GABRB2: variants seen among roughly 807,000 people sequenced by gnomAD.
GABRB2 encodes the protein gamma-aminobutyric acid receptor subunit beta-2.
In GABRB2, 16 loss-of-function variants were observed where a neutral mutation model predicts 54.7. The ratio of observed to expected loss-of-function variants is 0.29; its 90% CI spans 0.20 to 0.44. The LOEUF (loss-of-function observed/expected upper bound fraction) is 0.44, where lower values mean the gene tolerates loss of function less well. GABRB2 is among the 20% of genes least tolerant of loss of function. The pLI is 1.00. For missense variants in GABRB2, 355 were observed against 644.0 expected (o/e 0.55, Z 4.86); for synonymous variants, 244 against 233.8 (o/e 1.04, Z -0.40).
chr5:161,346,524 C>T (rs1754323149), intron 5 of GABRB2, among the ~76,000 whole-genome samples: 2 of 152,188 alleles, frequency 1.3e-5, no homozygotes, highest in South Asian at 4.1e-4. Context: ...AAGTAAAGTC[C>T]CAGCTGAATG....
intron 5 of GABRB2, among the ~76,000 whole-genome samples, chr5:161,366,573 A>C (rs1754978606): frequency 6.6e-6 from 1 of 152,180 alleles, no homozygotes; most frequent in African/African-American, 2.4e-5. Flanking sequence ...TACTTTTAGC[A>C]CAAGGTAAGT....
chr5:161,447,113 A>AT (rs1394795539), intron 4 of GABRB2, among the ~76,000 whole-genome samples: 5 of 152,126 alleles, frequency 3.3e-5, no homozygotes, highest in East Asian at 1.9e-4. Flanking sequence ...CTTTACAAGC[A>AT]TTTTTTTGTA....
intron 3 of GABRB2, among the ~76,000 whole-genome samples, chr5:161,462,511 C>T (rs1209197178): frequency 6.6e-6 from 1 of 152,124 alleles, no homozygotes; most frequent in East Asian, 1.9e-4. Context: ...GAGGAGAAAG[C>T]TACTTACACT....
intron 3 of GABRB2, among the ~76,000 whole-genome samples, chr5:161,508,426 G>T (rs1008423948): frequency 1.3e-5 from 2 of 150,870 alleles, no homozygotes; most frequent in African/African-American, 4.9e-5. Flanking sequence ...AGGCTTGAGA[G>T]GTGGATAATG....
chr5:161,299,849 A>C (rs192520833), intron 9 of GABRB2, among the ~76,000 whole-genome samples: 1 of 152,312 alleles, frequency 6.6e-6, no homozygotes, highest in Non-Finnish European at 1.5e-5. Flanking sequence ...GGCAGGATGG[A>C]AATTAGAGGC....
chr5:161,342,398 T>A (rs1401235994), intron 5 of GABRB2, among the ~76,000 whole-genome samples: 1 of 152,054 alleles, frequency 6.6e-6, no homozygotes, highest in Non-Finnish European at 1.5e-5. Context: ...AAAACTTGAT[T>A]TCTGTTCTGA....
chr5:161,508,123 C>T (rs1297429685), intron 3 of GABRB2, among the ~76,000 whole-genome samples: 1 of 151,610 alleles, frequency 6.6e-6, no homozygotes, highest in African/African-American at 2.4e-5. Flanking sequence ...TTTTATATCA[C>T]TGAATGCCTA....
chr5:161,338,903 C>A (rs912776641), intron 5 of GABRB2, among the ~76,000 whole-genome samples: 17 of 152,146 alleles, frequency 1.1e-4, no homozygotes, highest in African/African-American at 4.1e-4. Context: ...CCCCTCGCTT[C>A]TGTATAAAAT....
At chr5:161,298,745 T>A (rs1168634549) in intron 9 of GABRB2, among the ~76,000 whole-genome samples, 1 of 152,214 alleles carries the variant, frequency 6.6e-6, no homozygotes, top group Non-Finnish European at 1.5e-5. Flanking sequence ...CCATATCAGA[T>A]GCCCCTTTTT....
chr5:161,332,020 G>A (rs1753863584), intron 7 of GABRB2, among the ~76,000 whole-genome samples: 1 of 151,824 alleles, frequency 6.6e-6, no homozygotes, highest in African/African-American at 2.4e-5. Context: ...AAAAAAATTA[G>A]CCGGGCGTGA....
At chr5:161,357,153 T>C (rs1017802651) in intron 5 of GABRB2, among the ~76,000 whole-genome samples, 13 of 152,152 alleles carry the variant, frequency 8.5e-5, no homozygotes, top group East Asian at 3.9e-4. Flanking sequence ...CTAAGAAGTA[T>C]CTGTTGTCTT....
chr5:161,447,820 T>G (rs574329973), intron 4 of GABRB2, among the ~76,000 whole-genome samples: 11 of 152,302 alleles, frequency 7.2e-5, no homozygotes, highest in African/African-American at 2.4e-4. Flanking sequence ...TTTAATCTTC[T>G]ACCTATTTTT....
rs1369408866 is a variant in GABRB2, at chr5:161,410,982, A to G, written c.534T>C (p.Ile178=). The G allele has an allele frequency of 6.2e-7, 1 of 1,612,918 alleles. No individual in the cohort carries two copies. Among genetic ancestry groups the G allele is most frequent in the Non-Finnish European group, 8.5e-7 (1 of 1,179,082 alleles). Residue 178 remains isoleucine, a synonymous_variant, in exon 5 of 10, where the codon ATT becomes ATC. Coordinates refer to ENST00000393959, the MANE Select transcript of GABRB2 (RefSeq NM_001371727.1). ...ATTCTCAGAACGACTTACAGCTCTCAATTTCCAAGGTGCAGTTTTGTTCAT... is the reference window on the plus strand; with the variant it reads ...ATTCTCAGAACGACTTACAGCTCTCGATTTCCAAGGTGCAGTTTTGTTCAT... ...PLDEQNCTLE[I]ESYGYTTDDI...
At chr5:161,320,307 T>A (rs919851306) in intron 9 of GABRB2, among the ~76,000 whole-genome samples, 9 of 151,938 alleles carry the variant, frequency 5.9e-5, no homozygotes, top group Non-Finnish European at 1.2e-4. Context: ...ATTAATTATG[T>A]AGTATTTAAA....
At chr5:161,535,616 C>A (rs934956405) in intron 3 of GABRB2, among the ~76,000 whole-genome samples, 5 of 152,168 alleles carry the variant, frequency 3.3e-5, no homozygotes, top group African/African-American at 9.7e-5. Flanking sequence ...ATCATTTAAC[C>A]TCTCTGGGCC....
intron 3 of GABRB2, among the ~76,000 whole-genome samples, chr5:161,500,875 G>A (rs1372815633): frequency 6.6e-6 from 1 of 151,516 alleles, no homozygotes; most frequent in Admixed American, 6.6e-5. Context: ...GGGTACATGT[G>A]CACATTGTGC....
chr5:161,411,142 C>G (rs1238593166), intron 4 of GABRB2, 85 bp from the exon 5 acceptor site: 1 of 995,020 alleles, frequency 1.0e-6, no homozygotes, highest in Non-Finnish European at 1.6e-6. Context: ...AAAGAAGAGA[C>G]TGTGATTTAC....
At chr5:161,519,860 GTAAGTCTAAGAAA>G (rs781570066) in intron 3 of GABRB2, among the ~76,000 whole-genome samples, 18 of 152,082 alleles carry the variant, frequency 1.2e-4, no homozygotes, top group Non-Finnish European at 2.4e-4. Context: ...GATGTAAAAT[GTAAGTCTAAGAAA>G]TCATTTCAAC....
rs2113331825 is a variant in GABRB2, at chr5:161,293,232, A to G, written c.*849T>C. On this transcript the variant is annotated 3_prime_UTR_variant, in exon 10 of 10. Coordinates refer to ENST00000393959, the MANE Select transcript of GABRB2 (RefSeq NM_001371727.1). ...CAATCTCTCTTACTCACCCTCTGCC[A>G]CTAGACACAGTATGTATAGACCAGA... The G allele has an allele frequency of 6.6e-6, 1 of 152,304 alleles. No individual in the cohort carries two copies. The highest frequency in any genetic ancestry group is 2.1e-4 in the South Asian group (1 of 4,830). 9.4% of individuals were successfully genotyped at this position (152,304 alleles called of 1,614,324 possible).
Sources: gnomAD v4.1 joint callset for allele counts (sites outside exome capture counted in the v4.1 genomes callset) on GRCh38, gnomAD v4.1.1 for gene constraint, MANE v1.5 for transcripts, NCBI Gene and HGNC (gene_info 2026-07-23, HGNC 2026-07-21) for gene names.